XKR4: variants seen among roughly 807,000 people sequenced by gnomAD.
The protein encoded by XKR4 is XK-related protein 4.
XKR4 carries 12 observed loss-of-function variants against 53.9 expected under a neutral mutation model. The ratio of observed to expected loss-of-function variants is 0.22; its 90% CI spans 0.14 to 0.36. The LOEUF is 0.36. XKR4 is among the 10% of genes least tolerant of loss of function. XKR4 has a pLI of 1.00. For missense variants in XKR4, 799 were observed against 859.5 expected (o/e 0.93, Z 0.88); for synonymous variants, 354 against 362.4 (o/e 0.98, Z 0.26).
chr8:55,408,378 C>T (rs1804720811), intron 2 of XKR4, among the ~76,000 whole-genome samples: 1 of 152,144 alleles, frequency 6.6e-6, no homozygotes, highest in African/African-American at 2.4e-5. Context: ...AAGCATGACT[C>T]AATCAAAAAA....
At chr8:55,471,156 G>T (rs558249547) in intron 2 of XKR4, among the ~76,000 whole-genome samples, 1 of 152,106 alleles carries the variant, frequency 6.6e-6, no homozygotes, top group East Asian at 1.9e-4. Flanking sequence ...CAGTACCTAC[G>T]TGTCTGGTGG....
chr8:55,509,227 A>C (rs1806586797), intron 2 of XKR4, among the ~76,000 whole-genome samples: 1 of 152,190 alleles, frequency 6.6e-6, no homozygotes, highest in African/African-American at 2.4e-5. Context: ...ACACCTGACC[A>C]AGGTTCTTTC....
At chr8:55,204,572 G>A (rs1018090488) in intron 1 of XKR4, among the ~76,000 whole-genome samples, 7 of 152,136 alleles carry the variant, frequency 4.6e-5, no homozygotes, top group Non-Finnish European at 8.8e-5. Context: ...CGTAGCCCAT[G>A]TCTGCAACTC....
At chr8:55,434,986 A>G (rs1166069170) in intron 2 of XKR4, among the ~76,000 whole-genome samples, 2 of 151,914 alleles carry the variant, frequency 1.3e-5, no homozygotes, top group East Asian at 3.9e-4. Context: ...AGTTCACTAC[A>G]CACACACAAG....
In XKR4 at chr8:55,103,098, G is replaced by A. The variant is rs761390272; in HGVS notation, c.610G>A (p.Glu204Lys). 1 of 1,613,302 alleles carries A rather than the reference G, an allele frequency of 6.2e-7. No individual in the cohort carries two copies. Reference protein sequence around the residue: ...TVVGGGSAAGEGEARPSTPQR... With the variant: ...TVVGGGSAAGKGEARPSTPQR... ...GGTCGGCGGTGGGTCTGCAGCCGGG[G>A]AAGGCGAGGCTCGTCCTTCCACGCC... The change falls in exon 1 of 3, where the codon GAA (glutamate) becomes AAA (lysine). Residue 204 changes from glutamate (E) to lysine (K), a missense_variant. This residue lies in a region of XKR4 where 476 missense variants were observed against 505.4 expected (regional missense o/e 0.94). Coordinates refer to ENST00000327381, the MANE Select transcript of XKR4 (RefSeq NM_052898.2).
At chr8:55,210,789 C>T (rs549457020) in intron 1 of XKR4, among the ~76,000 whole-genome samples, 3 of 149,544 alleles carry the variant, frequency 2.0e-5, no homozygotes, top group Non-Finnish European at 4.5e-5. Flanking sequence ...TGCCAATTCA[C>T]AGTTTGGATA....
intron 2 of XKR4, among the ~76,000 whole-genome samples, chr8:55,383,430 G>A (rs1025199540): frequency 1.4e-4 from 22 of 152,182 alleles, no homozygotes; most frequent in African/African-American, 5.1e-4. Flanking sequence ...AGAAGGACAA[G>A]GAGAAGGAGA....
At chr8:55,296,065 A>G (rs1350820458) in intron 1 of XKR4, among the ~76,000 whole-genome samples, 1 of 152,134 alleles carries the variant, frequency 6.6e-6, no homozygotes, top group Admixed American at 6.5e-5. Flanking sequence ...TAAAGCTGGT[A>G]TGGGGCTGGG....
chr8:55,238,686 G>A (rs557774472), intron 1 of XKR4, among the ~76,000 whole-genome samples: 13 of 152,224 alleles, frequency 8.5e-5, no homozygotes, highest in East Asian at 7.7e-4. Flanking sequence ...ACTGCCCAGC[G>A]AAAACCCAGG....
At chr8:55,269,679 G>A (rs527325835) in intron 1 of XKR4, among the ~76,000 whole-genome samples, 19 of 152,228 alleles carry the variant, frequency 1.2e-4, no homozygotes, top group African/African-American at 4.3e-4. Flanking sequence ...TCCTTAAAAA[G>A]TTAGCACCCG....
intron 2 of XKR4, among the ~76,000 whole-genome samples, chr8:55,490,266 AATG>A (rs1196258944): frequency 3.9e-5 from 6 of 152,332 alleles, no homozygotes; most frequent in African/African-American, 1.2e-4. Context: ...AATGATGTAA[AATG>A]ATGTTCTTTG....
intron 2 of XKR4, among the ~76,000 whole-genome samples, chr8:55,504,650 T>G (rs1376732038): frequency 6.6e-6 from 1 of 152,210 alleles, no homozygotes; most frequent in African/African-American, 2.4e-5. Context: ...TCTTTAAATA[T>G]TTGGTAAAAT....
intron 2 of XKR4, among the ~76,000 whole-genome samples, chr8:55,364,902 A>C (rs1803954049): frequency 6.6e-6 from 1 of 152,218 alleles, no homozygotes; most frequent in Admixed American, 6.5e-5. Context: ...CTGGGATTAC[A>C]GGCGTGAGCC....
In XKR4 at chr8:55,187,209, C is replaced by T. The variant is rs78318167; in HGVS notation, c.806+83915C>T. Among the ~76,000 whole-genome samples, 905 of 144,130 alleles carry T rather than the reference C, an allele frequency of 6.3e-3. 11 individuals are homozygous for T. Among genetic ancestry groups the T allele is most frequent in the African/African-American group, 0.022 (852 of 38,654 alleles). 94.6% of individuals were successfully genotyped at this position (144,130 alleles called of 152,430 possible). A position where few individuals can be genotyped will look rare whatever the true frequency, so the allele number is the denominator to read the frequency against. Reference sequence around the variant, plus strand: ...TGAATCACTTGCTGTAGTGTTTCTGCGGGGGAATCTAGACTGCCAGGCACC... The same window carrying T: ...TGAATCACTTGCTGTAGTGTTTCTGTGGGGGAATCTAGACTGCCAGGCACC... On this transcript the variant is annotated intron_variant, in intron 1 of 2. Transcript: ENST00000327381.
At chr8:55,474,936 G>A (rs1805956416) in intron 2 of XKR4, among the ~76,000 whole-genome samples, 1 of 152,142 alleles carries the variant, frequency 6.6e-6, no homozygotes, top group Non-Finnish European at 1.5e-5. Flanking sequence ...AGAGTCCTGA[G>A]CAAGGAACTG....
intron 1 of XKR4, among the ~76,000 whole-genome samples, chr8:55,185,805 T>A: frequency 6.6e-6 from 1 of 152,168 alleles, no homozygotes. Context: ...ATAAGAGAGT[T>A]TGATTCCACC....
At chr8:55,404,295 G>A (rs992925748) in intron 2 of XKR4, among the ~76,000 whole-genome samples, 18 of 152,096 alleles carry the variant, frequency 1.2e-4, no homozygotes, top group Non-Finnish European at 4.4e-5. Context: ...AATAGATAAG[G>A]TAGATAATCA....
intron 2 of XKR4, among the ~76,000 whole-genome samples, chr8:55,475,203 G>A (rs900531716): frequency 2.6e-5 from 4 of 152,056 alleles, no homozygotes; most frequent in African/African-American, 9.7e-5. Flanking sequence ...TCATACAAAA[G>A]TAATGTGAAA....
chr8:55,298,823 G>A (rs532993891), intron 1 of XKR4, among the ~76,000 whole-genome samples: 2 of 152,284 alleles, frequency 1.3e-5, no homozygotes, highest in Admixed American at 1.3e-4. Flanking sequence ...ACATATATGT[G>A]TGTAAAATTT....
Sources: gnomAD v4.1 joint callset for allele counts (sites outside exome capture counted in the v4.1 genomes callset) on GRCh38, gnomAD v4.1.1 for gene constraint, gnomAD v4.1.1 regional missense constraint, MANE v1.5 for transcripts, NCBI Gene and HGNC (gene_info 2026-07-23, HGNC 2026-07-21) for gene names.